The following TVP23A variants were observed in gnomAD, a reference collection of about 807,000 sequenced individuals.
TVP23A encodes the protein Golgi apparatus membrane protein TVP23 homolog A.
A neutral mutation model predicts 31.7 loss-of-function variants in TVP23A; 21 were observed. The observed-to-expected ratio is 0.66, with a 90% CI of 0.47 to 0.95. The LOEUF is 0.95. Ranked by LOEUF, TVP23A falls within the 40% of genes least tolerant of loss-of-function variation. The pLI is 0.00. For synonymous variants in TVP23A, 104 were observed against 96.0 expected (o/e 1.08, Z -0.49); for missense variants, 279 against 255.6 (o/e 1.09, Z -0.62).
At chr16:10,757,637 G>A (rs1190071414), downstream of TVP23A, among the ~76,000 whole-genome samples, 2 of 152,156 alleles carry the variant, frequency 1.3e-5, no homozygotes, top group African/African-American at 4.8e-5. This position sits in a 1 kb window ranked among gnomAD's most constrained non-coding sequence, Gnocchi z 4.1. Flanking sequence ...CTGACTTACA[G>A]CATAGACCAA....
In TVP23A at chr16:10,768,923, T is replaced by C; in HGVS notation, c.*179A>G. On this transcript the variant is annotated 3_prime_UTR_variant, in exon 8 of 8. Coordinates refer to ENST00000299866, the MANE Select transcript of TVP23A (RefSeq NM_001079512.4). This position sits in a 1 kb window ranked among gnomAD's most constrained non-coding sequence, Gnocchi z 4.3. ...AGACTCAGGGCATCACAGACACAGG[T>C]CTTTTTATGGAACTAGCCAGAGGAT... The C allele has an allele frequency of 1.3e-6, 1 of 780,050 alleles. No individual in the cohort carries two copies. The highest frequency in any genetic ancestry group is 1.7e-5 in the African/African-American group (1 of 57,238). 48.3% of individuals were successfully genotyped at this position (780,050 alleles called of 1,614,324 possible).
intron 2 of TVP23A, among the ~76,000 whole-genome samples, chr16:10,789,374 T>G (rs1241276942): frequency 1.3e-5 from 2 of 152,104 alleles, no homozygotes; most frequent in Non-Finnish European, 2.9e-5. Context: ...AGTCAAACTC[T>G]CTAAAACATT....
chr16:10,812,211 T>C (rs930136876), intron 2 of TVP23A, among the ~76,000 whole-genome samples: 4 of 152,212 alleles, frequency 2.6e-5, no homozygotes, highest in African/African-American at 9.6e-5. Context: ...CGAAATACCA[T>C]GGTTATCACA....
chr16:10,770,008 C>T (rs2031443671), intron 7 of TVP23A, among the ~76,000 whole-genome samples: 1 of 152,176 alleles, frequency 6.6e-6, no homozygotes, highest in Non-Finnish European at 1.5e-5. Context: ...TTCCCTAGGA[C>T]CATACATATG....
intron 2 of TVP23A, among the ~76,000 whole-genome samples, chr16:10,800,588 A>C (rs2033648281): frequency 6.6e-6 from 1 of 152,168 alleles, no homozygotes; most frequent in South Asian, 2.1e-4. Flanking sequence ...TGGTCATATT[A>C]ACTCCTTCAG....
intron 7 of TVP23A, among the ~76,000 whole-genome samples, chr16:10,769,747 T>C (rs1008494353): frequency 6.6e-6 from 1 of 152,200 alleles, no homozygotes; most frequent in African/African-American, 2.4e-5. Context: ...GTATATCCAG[T>C]AATGTCCAGT....
At chr16:10,797,335 C>A (rs542825154) in intron 2 of TVP23A, among the ~76,000 whole-genome samples, 2 of 151,400 alleles carry the variant, frequency 1.3e-5, no homozygotes, top group Non-Finnish European at 2.9e-5. Flanking sequence ...TAGTTCGAGA[C>A]CAGCCTTACC....
chr16:10,793,634 G>A (rs1004702217), intron 2 of TVP23A, among the ~76,000 whole-genome samples: 1 of 151,974 alleles, frequency 6.6e-6, no homozygotes, highest in Admixed American at 6.6e-5. Context: ...GGTGGCTCAC[G>A]TCTGTAATCC....
At position 10,771,842 on chromosome 16, in the gene TVP23A, A is replaced by C. The variant is rs371286920; in HGVS notation, c.454-44T>G. On this transcript the variant is annotated intron_variant, in intron 5 of 7. Coordinates refer to ENST00000299866, the MANE Select transcript of TVP23A (RefSeq NM_001079512.4). The stretch of plus-strand genomic sequence containing the variant: ...AGCAAAGGTCACTTTTTTTTGAGAC[A>C]GAGTTTCGCTCTGTCGCCCAGGCTG... 5 of 1,545,250 alleles carry C rather than the reference A, an allele frequency of 3.2e-6. No individual in the cohort carries two copies. In the African/African-American group the frequency reaches 5.5e-5, roughly 17 times the overall value.
At chr16:10,797,061 G>GC (rs58976130) in intron 2 of TVP23A, among the ~76,000 whole-genome samples, 37,905 of 151,414 alleles carry the variant, frequency 0.25, 10,847 homozygotes, top group African/African-American at 0.68. Context: ...GTGGTGGCAT[G>GC]ACCTGTGGTC....
At chr16:10,784,542 C>A (rs1406481277) in intron 2 of TVP23A, among the ~76,000 whole-genome samples, 3 of 148,456 alleles carry the variant, frequency 2.0e-5, no homozygotes, top group African/African-American at 5.1e-5. Flanking sequence ...GCCTGGGCAA[C>A]AGAGCAAGAC....
At chr16:10,758,350 G>A (rs763822479), downstream of TVP23A, among the ~76,000 whole-genome samples, 2 of 152,106 alleles carry the variant, frequency 1.3e-5, no homozygotes, top group African/African-American at 4.8e-5. Flanking sequence ...GCTCGCGCCT[G>A]TAGTTCCAGC....
intron 2 of TVP23A, among the ~76,000 whole-genome samples, chr16:10,812,426 G>C (rs2034247615): frequency 6.6e-6 from 1 of 152,164 alleles, no homozygotes; most frequent in African/African-American, 2.4e-5. Context: ...CAAAAGAATT[G>C]AAAGCAGAAT....
chr16:10,780,914 G>A (rs2032381691), intron 2 of TVP23A, among the ~76,000 whole-genome samples: 1 of 151,660 alleles, frequency 6.6e-6, no homozygotes, highest in African/African-American at 2.4e-5. Context: ...TCTTTGCAGG[G>A]ATCTCCCAAG....
chr16:10,758,168 G>GA (rs1900696636), downstream of TVP23A: 1 of 954,058 alleles, frequency 1.0e-6, no homozygotes, highest in African/African-American at 1.6e-5. Flanking sequence ...TGGGTCTGCA[G>GA]AAACCTCGTG....
intron 2 of TVP23A, among the ~76,000 whole-genome samples, chr16:10,775,817 C>G (rs1176621733): frequency 2.2e-5 from 3 of 138,792 alleles, no homozygotes; most frequent in African/African-American, 8.2e-5. Flanking sequence ...GGCGTGATCT[C>G]GGTTCACAGC....
rs1371895539 is a variant in TVP23A at position 10,818,118 on chromosome 16, C to T, written c.74G>A (p.Arg25Lys). The T allele has an allele frequency of 1.2e-6, 2 of 1,608,566 alleles. No individual in the cohort carries two copies. The highest frequency in any genetic ancestry group is 8.5e-7 in the Non-Finnish European group (1 of 1,177,780). The change falls in exon 2 of 8, where the codon AGG becomes AAG. Residue 25 changes from arginine to lysine, a missense_variant. Physicochemically the swap from Arg to Lys is conservative, Grantham distance 26. Transcript: ENST00000299866. The surrounding 1 kb of genome is among the most constrained non-coding windows in gnomAD (Gnocchi z 4.7). ...CCCAACACACCTGATCTTGGCTTTC[C>T]TAAAGGCCAGCTCCTCCTCGTTTCC... ...DFGNEEELAF[R>K]KAKIRHPLAT...
rs113054995 is a variant in TVP23A, at chr16:10,813,923, C to T, written c.89+4180G>A. ...CTGAGGCAGGAGAATCACTTGAACCCGGGAGGCAGAGGTTGCAGTGAGCCG... is the reference window on the plus strand; with the variant it reads ...CTGAGGCAGGAGAATCACTTGAACCTGGGAGGCAGAGGTTGCAGTGAGCCG... On this transcript the variant is annotated intron_variant, in intron 2 of 7. Coordinates refer to ENST00000299866, the MANE Select transcript of TVP23A (RefSeq NM_001079512.4). Among the ~76,000 whole-genome samples, 712 of 135,848 alleles carry T rather than the reference C, an allele frequency of 5.2e-3. 5 individuals are homozygous for T. The highest frequency in any genetic ancestry group is 0.018 in the African/African-American group (674 of 38,012). The allele number at this position is 135,848 out of a possible 152,430, so 89.1% of individuals were successfully genotyped here.
intron 2 of TVP23A, among the ~76,000 whole-genome samples, chr16:10,816,816 A>C (rs2034459132): frequency 1.3e-5 from 2 of 152,140 alleles, no homozygotes; most frequent in Admixed American, 6.6e-5. Context: ...TGGCACATGT[A>C]TACATATGTA....
Sources: gnomAD v4.1 joint callset for allele counts (sites outside exome capture counted in the v4.1 genomes callset) on GRCh38, gnomAD v4.1.1 for gene constraint, Gnocchi (gnomAD v3.1) non-coding constraint, MANE v1.5 for transcripts, NCBI Gene and HGNC (gene_info 2026-07-23, HGNC 2026-07-21) for gene names.